Variants in OPTN observed in about 807,000 individuals in gnomAD.
OPTN encodes the protein optineurin.
Under a neutral mutation model 70.4 loss-of-function variants are expected in OPTN, and 54 were observed. That is an observed-to-expected ratio of 0.77 (90% CI 0.62 to 0.96). The LOEUF is 0.96. Among genes scored for constraint, OPTN ranks in the 40% least tolerant of loss-of-function variants. The pLI is 0.00. For missense variants in OPTN, 624 were observed against 673.2 expected, an observed-to-expected ratio of 0.93 and a Z score of 0.81; for synonymous variants, 256 against 248.5, an observed-to-expected ratio of 1.03 and a Z score of -0.28.
intron 11 of OPTN, 121 bp downstream of exon 11, chr10:13,126,160 T>C (rs1833455403): frequency 1.4e-6 from 1 of 695,488 alleles, no homozygotes; most frequent in Non-Finnish European, 2.5e-6. Context: ...TGTTTTCCAA[T>C]GTATCATTAT....
intron 4 of OPTN, among the ~76,000 whole-genome samples, chr10:13,110,774 C>A (rs531901148): frequency 3.9e-5 from 6 of 152,268 alleles, no homozygotes; most frequent in Non-Finnish European, 5.9e-5. Flanking sequence ...GCAGATGGGC[C>A]TCTGCCTAGA....
chr10:13,112,026 T>G (rs1387645559), intron 4 of OPTN, among the ~76,000 whole-genome samples: 1 of 151,654 alleles, frequency 6.6e-6, no homozygotes, highest in African/African-American at 2.4e-5. Context: ...CTTTTTGTAT[T>G]TTTAGTAGAG....
intron 12 of OPTN, among the ~76,000 whole-genome samples, chr10:13,129,948 A>G (rs1397255893): frequency 6.6e-6 from 1 of 152,204 alleles, no homozygotes; most frequent in East Asian, 1.9e-4. Context: ...TTTCTACAGG[A>G]ATAGAGCCTC....
chr10:13,120,569 T>TC (rs1833324821), intron 7 of OPTN, among the ~76,000 whole-genome samples: 1 of 137,454 alleles, frequency 7.3e-6, no homozygotes, highest in Non-Finnish European at 1.5e-5. Context: ...AGACTCTGTC[T>TC]CAAAAAAAAA....
Position 13,137,194 on chromosome 10 carries a change from G to A in OPTN, c.*328G>A. ...CTCGCGAGGTTGAGGCAGGAGAATT[G>A]CTTGAACCCAGGAAGTGGCAGTTGC... On this transcript the variant is annotated 3_prime_UTR_variant, in exon 15 of 15. Coordinates refer to ENST00000378747, the MANE Select transcript of OPTN (RefSeq NM_001008212.2). 4.8e-6 allele frequency: 2 copies of A among 416,672 alleles called. No homozygotes were observed. Among genetic ancestry groups the A allele is most frequent in the South Asian group, 4.4e-5 (2 of 45,028 alleles). 25.8% of individuals were successfully genotyped at this position (416,672 alleles called of 1,614,324 possible). A position where few individuals can be genotyped will look rare whatever the true frequency, so the allele number is the denominator to read the frequency against.
chr10:13,112,834 T>A lies in OPTN; in HGVS notation c.552+199T>A, dbSNP rs541723764. Among the ~76,000 whole-genome samples, 18 of 152,254 alleles carry A rather than the reference T, an allele frequency of 1.2e-4. No homozygotes were observed. In the South Asian group the frequency reaches 3.7e-3, roughly 32 times the overall value. ...CATAGCTAAAATGGAAAAATATTAA[T>A]TACCTTTTATGATGAAAGCTGTAGT... On this transcript the variant is annotated intron_variant, in intron 5 of 14. Transcript: ENST00000378747.
At chr10:13,127,125 C>G (rs1031439873) in intron 11 of OPTN, among the ~76,000 whole-genome samples, 1 of 152,132 alleles carries the variant, frequency 6.6e-6, no homozygotes, top group African/African-American at 2.4e-5. Context: ...GAATTTTTAG[C>G]CTTGTAAATA....
chr10:13,113,592 GC>G (rs1470814882), intron 5 of OPTN, among the ~76,000 whole-genome samples: 1 of 152,176 alleles, frequency 6.6e-6, no homozygotes, highest in Non-Finnish European at 1.5e-5. Flanking sequence ...TTACAACTGT[GC>G]CTGGGCATAG....
At chr10:13,115,242 T>A (rs1833146941) in intron 5 of OPTN, among the ~76,000 whole-genome samples, 1 of 87,504 alleles carries the variant, frequency 1.1e-5, no homozygotes, top group African/African-American at 4.5e-5. Flanking sequence ...TATATCTATA[T>A]ATATCTATAT....
chr10:13,112,478 C>A lies in OPTN; in HGVS notation c.395C>A (p.Pro132His). The part of the protein sequence containing the change: ...SEDPTDDSRL[P>H]RAEAEQEKDQ... ...GACCCCACTGATGACTCCAGGCTTC[C>A]CAGGGCCGAAGCGGAGCAGGAAAAG... Residue 132 changes from proline (P) to histidine (H), a missense_variant, in exon 5 of 15, where the codon CCC (proline) becomes CAC (histidine). Pro to His is a moderately conservative substitution (Grantham distance 77). Coordinates refer to ENST00000378747, the MANE Select transcript of OPTN (RefSeq NM_001008212.2). 2 of 1,613,988 alleles carry A rather than the reference C, an allele frequency of 1.2e-6. No individual in the cohort carries two copies. Among genetic ancestry groups the A allele is most frequent in the South Asian group, 2.2e-5 (2 of 91,064 alleles).
At chr10:13,113,549 G>C (rs138725910) in intron 5 of OPTN, among the ~76,000 whole-genome samples, 1 of 152,142 alleles carries the variant, frequency 6.6e-6, no homozygotes. Flanking sequence ...AGTGGGCTAA[G>C]CGAGGGGGCC....
chr10:13,132,320 C>A, intron 13 of OPTN, 123 bp downstream of exon 13: 2 of 979,156 alleles, frequency 2.0e-6, no homozygotes, highest in South Asian at 1.4e-5. Flanking sequence ...TGCACTCCTG[C>A]CTAGGTGACA....
chr10:13,124,033 ATC>A lies in OPTN; in HGVS notation c.925_926del (p.Leu309ValfsTer2). 1 of 1,613,994 alleles carries A rather than the reference ATC, an allele frequency of 6.2e-7. No homozygotes were observed. Among genetic ancestry groups the A allele is most frequent in the Non-Finnish European group, 8.5e-7 (1 of 1,179,894 alleles). The stretch of plus-strand genomic sequence containing the variant: ...TGGAAGCACTGAACCTCCAGGTGAC[ATC>A]TCTGTTTAAGGAGCTTCAAGAGGCT... ...EVEALNLQVT[S>X]LFKELQEAHT... On this transcript the variant is annotated frameshift_variant, in exon 9 of 15. Coordinates refer to ENST00000378747, the MANE Select transcript of OPTN (RefSeq NM_001008212.2). LOFTEE classifies it high-confidence loss of function.
At chr10:13,101,130 T>G (rs1331803819) in intron 1 of OPTN, among the ~76,000 whole-genome samples, 1 of 152,094 alleles carries the variant, frequency 6.6e-6, no homozygotes, top group Non-Finnish European at 1.5e-5. Context: ...GGCCCAGTTT[T>G]GGGGCGGGGG....
Position 13,136,811 on chromosome 10 carries a change from A to G in OPTN, c.1679A>G (p.Glu560Gly). Residue 560 changes from glutamate to glycine, a missense_variant, in exon 15 of 15, where the codon GAG becomes GGG. By Grantham distance (98) the Glu-to-Gly change is moderately conservative. Transcript: ENST00000378747. Reference protein sequence around the residue: ...IPIHSCPKCGEVLPDIDTLQI... With the variant: ...IPIHSCPKCGGVLPDIDTLQI... ...ATTCATTCCTGCCCCAAGTGTGGAG[A>G]GGTTCTGCCTGACATAGACACGTTA... The G allele has an allele frequency of 1.2e-6, 2 of 1,614,168 alleles. No homozygotes were observed. The highest frequency in any genetic ancestry group is 1.7e-6 in the Non-Finnish European group (2 of 1,180,036).
chr10:13,126,283 C>CCTTTTTTTTTTTTTTTTTTTTTTTTTTTT (rs771767144), intron 11 of OPTN, among the ~76,000 whole-genome samples: 5 of 139,080 alleles, frequency 3.6e-5, no homozygotes, highest in African/African-American at 1.4e-4. Flanking sequence ...CTTCGTATTT[C>CCTTTTTTTTTTTTTTTTTTTTTTTTTTTT]TTTTTTTTTT....
intron 5 of OPTN, among the ~76,000 whole-genome samples, chr10:13,114,799 T>TA (rs1282817827): frequency 2.5e-5 from 2 of 78,772 alleles, no homozygotes; most frequent in Non-Finnish European, 2.4e-5. Context: ...TATAATTATA[T>TA]ATACATATAT....
At position 13,127,782 on chromosome 10, in the gene OPTN, G is replaced by A. The variant is rs1360837959; in HGVS notation, c.1280G>A (p.Ser427Asn). ...GACAGGGCAGTGCTGAAGGAACTGA[G>A]TGAAAAACTGGAACTGGCAGAGAAG... ...KVDRAVLKEL[S>N]EKLELAEKAL... The change falls in exon 12 of 15, where the codon AGT becomes AAT. Residue 427 changes from serine (S) to asparagine (N), a missense_variant. Ser to Asn is a conservative substitution (Grantham distance 46, BLOSUM62 1). Coordinates refer to ENST00000378747, the MANE Select transcript of OPTN (RefSeq NM_001008212.2). 5 of 1,614,192 alleles carry A rather than the reference G, an allele frequency of 3.1e-6. No individual in the cohort carries two copies. In the South Asian group the frequency reaches 5.5e-5, roughly 18 times the overall value.
chr10:13,112,899 T>C (rs1289002846), intron 5 of OPTN, among the ~76,000 whole-genome samples: 1 of 152,056 alleles, frequency 6.6e-6, no homozygotes, highest in Non-Finnish European at 1.5e-5. Flanking sequence ...AAATTGAACA[T>C]TTTTGTGACC....
Sources: gnomAD v4.1 joint callset for allele counts (sites outside exome capture counted in the v4.1 genomes callset) on GRCh38, gnomAD v4.1.1 for gene constraint, MANE v1.5 for transcripts, NCBI Gene and HGNC (gene_info 2026-07-23, HGNC 2026-07-21) for gene names.